KANK1: variants seen among roughly 807,000 people sequenced by gnomAD.
KANK1 encodes KN motif and ankyrin repeat domains 1.
A neutral mutation model predicts 106.2 loss-of-function variants in KANK1; 109 were observed. The ratio of observed to expected loss-of-function variants is 1.03; its 90% CI spans 0.88 to 1.20. The LOEUF (loss-of-function observed/expected upper bound fraction) is 1.20. KANK1 is among the 50% of genes most tolerant of loss of function. KANK1 has a pLI of 0.00. For synonymous variants in KANK1, 873 were observed against 652.2 expected (o/e 1.34, Z -5.16); for missense variants, 2,399 against 1,710.7 (o/e 1.40, Z -7.10).
chr9:571,214 C>T (rs1819079834), intron 1 of KANK1, among the ~76,000 whole-genome samples: 1 of 152,162 alleles, frequency 6.6e-6, no homozygotes, highest in African/African-American at 2.4e-5. Context: ...TATGTCTTCT[C>T]TGCAAGAAAA....
intron 1 of KANK1, among the ~76,000 whole-genome samples, chr9:562,716 G>C (rs1816810587): frequency 6.6e-6 from 1 of 152,150 alleles, no homozygotes; most frequent in Admixed American, 6.5e-5. Context: ...ACAAATATTA[G>C]TTGTCAAGTT....
chr9:656,834 C>T (rs555688662), intron 1 of KANK1, among the ~76,000 whole-genome samples: 3 of 152,206 alleles, frequency 2.0e-5, no homozygotes, highest in East Asian at 1.9e-4. Flanking sequence ...GCAGCTTGAC[C>T]TTTAGTGTGA....
At chr9:554,434 T>C (rs746489751) in intron 1 of KANK1, among the ~76,000 whole-genome samples, 3 of 152,224 alleles carry the variant, frequency 2.0e-5, no homozygotes, top group Non-Finnish European at 4.4e-5. Context: ...TGAGCATCCA[T>C]GTTGGCGGTC....
chr9:664,380 C>G (rs956666312), intron 1 of KANK1, among the ~76,000 whole-genome samples: 5 of 152,172 alleles, frequency 3.3e-5, no homozygotes, highest in African/African-American at 1.2e-4. Flanking sequence ...TTTCATCCAT[C>G]TTGCTCCAAA....
At chr9:735,387 G>A (rs950080769) in intron 7 of KANK1, among the ~76,000 whole-genome samples, 1 of 152,160 alleles carries the variant, frequency 6.6e-6, no homozygotes, top group African/African-American at 2.4e-5. Context: ...AGAGTTTGTG[G>A]TTGCCTTAGT....
At chr9:634,514 G>A (rs1479771433) in intron 1 of KANK1, among the ~76,000 whole-genome samples, 2 of 152,164 alleles carry the variant, frequency 1.3e-5, no homozygotes, top group African/African-American at 2.4e-5. Flanking sequence ...CCTGACTTCT[G>A]AGCAGTAAGA....
intron 1 of KANK1, among the ~76,000 whole-genome samples, chr9:509,158 C>T (rs917977846): frequency 3.3e-5 from 5 of 152,142 alleles, no homozygotes; most frequent in East Asian, 1.9e-4. Flanking sequence ...AGTGCAGTGG[C>T]GCGATCTTGA....
intron 1 of KANK1, among the ~76,000 whole-genome samples, chr9:616,254 G>C (rs2136266893): frequency 6.6e-6 from 1 of 152,308 alleles, no homozygotes; most frequent in South Asian, 2.1e-4. Flanking sequence ...GAGGACTAAA[G>C]TGAAGGCTTT....
chr9:593,111 T>C (rs985357022), intron 1 of KANK1, among the ~76,000 whole-genome samples: 1 of 151,822 alleles, frequency 6.6e-6, no homozygotes, highest in African/African-American at 2.4e-5. Flanking sequence ...TTTTAAACTG[T>C]TGGAACCTGG....
chr9:729,940 G>A (rs1293025343), intron 3 of KANK1, 111 bp from the exon 4 acceptor site: 4 of 923,182 alleles, frequency 4.3e-6, no homozygotes, highest in South Asian at 1.7e-5. Flanking sequence ...GAGTTTTGGT[G>A]GCTGGGATAA....
rs573573962 is a variant in KANK1 at position 699,941 on chromosome 9, C to T, written c.38-10863C>T. On this transcript the variant is annotated intron_variant, in intron 2 of 11. Coordinates refer to ENST00000382297, the MANE Select transcript of KANK1 (RefSeq NM_015158.5). ...AGGCTGCAGTGAGCTGTGATCGTGC[C>T]GCTACACTCCAGCCTGAGTGACAGA... Among the ~76,000 whole-genome samples, 15 of 152,152 alleles carry T rather than the reference C, an allele frequency of 9.9e-5. No homozygotes were observed. The East Asian group carries it at 2.3e-3, about 24-fold the overall frequency.
intron 3 of KANK1, among the ~76,000 whole-genome samples, chr9:475,978 G>A (rs973852370): frequency 6.6e-6 from 1 of 151,304 alleles, no homozygotes; most frequent in Non-Finnish European, 1.5e-5. Context: ...TCAGCCTCCC[G>A]AGTAGCTGGG....
intron 3 of KANK1, among the ~76,000 whole-genome samples, chr9:496,262 C>A (rs535748846): frequency 6.6e-6 from 1 of 152,272 alleles, no homozygotes; most frequent in Admixed American, 6.5e-5. Context: ...ATTATTAAAA[C>A]TACATTCTTG....
chr9:552,899 C>T (rs1318429209), intron 1 of KANK1, among the ~76,000 whole-genome samples: 1 of 152,156 alleles, frequency 6.6e-6, no homozygotes, highest in African/African-American at 2.4e-5. Context: ...AATCCTAGGA[C>T]TTTGGGAAGC....
At position 731,223 on chromosome 9, in the gene KANK1, A is replaced by G. The variant is rs763231404; in HGVS notation, c.2962A>G (p.Asn988Asp). The change falls in exon 5 of 12, where the codon AAT becomes GAT. Residue 988 changes from asparagine to aspartate, a missense_variant. By Grantham distance (23) the Asn-to-Asp change is conservative. Transcript: ENST00000382297. ...GAAGAAAGATGGTAACAAAGATTCA[A>G]ATGGCGCAAAAAAGAATCTTCAGTT... The part of the protein sequence containing the change: ...MKKKDGNKDS[N>D]GAKKNLQFVG... 4.3e-6 allele frequency: 7 copies of G among 1,611,866 alleles called. No homozygotes were observed. The South Asian group carries it at 7.7e-5, about 18-fold the overall frequency.
intron 1 of KANK1, among the ~76,000 whole-genome samples, chr9:529,931 G>A (rs373131272): frequency 4.7e-4 from 72 of 152,212 alleles, no homozygotes; most frequent in African/African-American, 1.5e-3. Flanking sequence ...TCTTTATATC[G>A]TTGCCAGTAC....
chr9:674,319 A>G (rs1815917578), intron 1 of KANK1: 1 of 151,850 alleles, frequency 6.6e-6, no homozygotes, highest in South Asian at 2.1e-4. Flanking sequence ...CTCCAGGTGA[A>G]CACAATGCTA....
At chr9:514,230 C>G (rs145090965) in intron 1 of KANK1, among the ~76,000 whole-genome samples, 1 of 97,802 alleles carries the variant, frequency 1.0e-5, no homozygotes. Context: ...CTTCCTCCCT[C>G]CCTCCCTCCC....
intron 1 of KANK1, among the ~76,000 whole-genome samples, chr9:633,286 C>G (rs978529678): frequency 1.3e-5 from 2 of 151,932 alleles, no homozygotes; most frequent in African/African-American, 4.8e-5. Flanking sequence ...GAAATCGCAT[C>G]TCTACTAAAA....
Sources: allele counts gnomAD v4.1 joint callset (sites outside exome capture counted in the v4.1 genomes callset), GRCh38; gene constraint gnomAD v4.1.1; transcripts MANE v1.5; gene names NCBI Gene and HGNC (gene_info 2026-07-23, HGNC 2026-07-21).